Variants in TMEM266 observed in about 807,000 individuals in gnomAD.
TMEM266 encodes transmembrane protein 266.
In TMEM266, 33 loss-of-function variants were observed where a neutral mutation model predicts 50.5. The observed-to-expected ratio is 0.65, with a 90% CI of 0.50 to 0.87. TMEM266 has a LOEUF of 0.87. Ranked by LOEUF, TMEM266 falls within the 40% of genes least tolerant of loss-of-function variation. TMEM266 has a pLI of 0.00. For synonymous variants in TMEM266, 310 were observed against 292.3 expected (o/e 1.06, Z -0.62); for missense variants, 655 against 695.1 (o/e 0.94, Z 0.65).
chr15:76,114,494 G>T, intron 1 of TMEM266, among the ~76,000 whole-genome samples: 1 of 152,130 alleles, frequency 6.6e-6, no homozygotes, highest in Non-Finnish European at 1.5e-5. Context: ...CTTCAGCCTG[G>T]GTGATAGAGT....
chr15:76,149,779 C>G (rs113961096), intron 3 of TMEM266, among the ~76,000 whole-genome samples: 2 of 152,144 alleles, frequency 1.3e-5, no homozygotes, highest in Non-Finnish European at 2.9e-5. Flanking sequence ...AGCAACTAGA[C>G]GAGTTAACAT....
At chr15:76,069,117 T>C (rs187255398) in intron 1 of TMEM266, among the ~76,000 whole-genome samples, 3 of 152,272 alleles carry the variant, frequency 2.0e-5, no homozygotes, top group East Asian at 3.9e-4. Flanking sequence ...AGAAAAAAGA[T>C]AGTTTAAGTT....
At chr15:76,173,943 A>T (rs2038227355) in intron 7 of TMEM266, among the ~76,000 whole-genome samples, 1 of 126,850 alleles carries the variant, frequency 7.9e-6, no homozygotes. Context: ...AAAAAAAAAT[A>T]AAAAAAAAAA....
intron 9 of TMEM266, among the ~76,000 whole-genome samples, chr15:76,194,655 C>T (rs910522861): frequency 2.4e-4 from 37 of 152,200 alleles, no homozygotes; most frequent in African/African-American, 8.4e-4. Flanking sequence ...TGTCCCACGC[C>T]TCCCTCTGGC....
chr15:76,128,963 A>G (rs2037463748), intron 1 of TMEM266, among the ~76,000 whole-genome samples: 2 of 152,236 alleles, frequency 1.3e-5, no homozygotes, highest in South Asian at 4.1e-4. Flanking sequence ...ATTTTGGAAG[A>G]TACCAAGATG....
chr15:76,132,331 G>C (rs1244554937), intron 1 of TMEM266, among the ~76,000 whole-genome samples: 1 of 151,532 alleles, frequency 6.6e-6, no homozygotes, highest in East Asian at 2.0e-4. Flanking sequence ...GGATGGTCTT[G>C]ATCTCCTGAC....
chr15:76,082,653 A>G (rs1175411066), intron 1 of TMEM266, among the ~76,000 whole-genome samples: 1 of 152,034 alleles, frequency 6.6e-6, no homozygotes, highest in East Asian at 1.9e-4. Context: ...AAGGAGCAAG[A>G]GAGCCGCCAG....
In TMEM266 at chr15:76,191,961, T is replaced by C; in HGVS notation, c.769-7T>C. ...GCTGATTCAGCCTTGCCCGTCTCCC[T>C]CCGCAGTTTGAGATCCGGCAGCTGC... On this transcript the variant is annotated splice_region_variant and splice_polypyrimidine_tract_variant and intron_variant, in intron 8 of 10. Transcript: ENST00000388942. 6.3e-7 allele frequency: 1 copy of C among 1,579,620 alleles called. No homozygotes were observed. Among genetic ancestry groups the C allele is most frequent in the Non-Finnish European group, 8.6e-7 (1 of 1,168,268 alleles).
chr15:76,075,961 G>A (rs1366202052), intron 1 of TMEM266, among the ~76,000 whole-genome samples: 3 of 137,886 alleles, frequency 2.2e-5, no homozygotes, highest in African/African-American at 8.1e-5. Flanking sequence ...CCAGGACCAA[G>A]CAATCCTCCC....
At chr15:76,187,916 C>T (rs567476058) in intron 8 of TMEM266, among the ~76,000 whole-genome samples, 1 of 152,308 alleles carries the variant, frequency 6.6e-6, no homozygotes, top group East Asian at 1.9e-4. Flanking sequence ...TACCAGGCAA[C>T]ACAACAGATA....
intron 3 of TMEM266, among the ~76,000 whole-genome samples, chr15:76,148,984 A>G (rs1225900164): frequency 6.6e-6 from 1 of 152,042 alleles, no homozygotes; most frequent in Non-Finnish European, 1.5e-5. Flanking sequence ...TTTCACCTCC[A>G]TCCTGAGAGT....
At chr15:76,148,853 C>T (rs2037796222) in intron 3 of TMEM266, among the ~76,000 whole-genome samples, 1 of 152,120 alleles carries the variant, frequency 6.6e-6, no homozygotes. Flanking sequence ...CTGCACACAA[C>T]CCTCCTCCCT....
At chr15:76,193,958 A>G (rs1045217289) in intron 9 of TMEM266, among the ~76,000 whole-genome samples, 2 of 152,114 alleles carry the variant, frequency 1.3e-5, no homozygotes, top group Non-Finnish European at 2.9e-5. Context: ...AGTAATATCC[A>G]CAACTGAATG....
chr15:76,190,538 C>G (rs1449317530), intron 8 of TMEM266, among the ~76,000 whole-genome samples: 1 of 150,882 alleles, frequency 6.6e-6, no homozygotes, highest in Non-Finnish European at 1.5e-5. Context: ...GGGGCCAGAG[C>G]TGGCAGTGGA....
intron 8 of TMEM266, among the ~76,000 whole-genome samples, chr15:76,187,815 C>T (rs1320010763): frequency 1.3e-5 from 2 of 152,066 alleles, no homozygotes; most frequent in African/African-American, 4.8e-5. Context: ...GATTTAGGGC[C>T]CAGTCTGAAG....
chr15:76,154,114 G>A (rs934536384), intron 3 of TMEM266, among the ~76,000 whole-genome samples: 3 of 152,218 alleles, frequency 2.0e-5, no homozygotes, highest in Non-Finnish European at 4.4e-5. Context: ...CGGACCCCTT[G>A]GCTCTTGAGT....
intron 5 of TMEM266, among the ~76,000 whole-genome samples, chr15:76,164,369 C>T (rs556787025): frequency 1.3e-5 from 2 of 152,228 alleles, no homozygotes; most frequent in East Asian, 1.9e-4. Context: ...CCACACCTGG[C>T]TAATTTTTGT....
intron 8 of TMEM266, among the ~76,000 whole-genome samples, chr15:76,186,552 G>T (rs1433389816): frequency 1.3e-5 from 2 of 152,202 alleles, no homozygotes. Context: ...TAAGCAGGTT[G>T]TCCTCTCCCT....
At chr15:76,099,418 G>A (rs1027167414) in intron 1 of TMEM266, among the ~76,000 whole-genome samples, 7 of 152,218 alleles carry the variant, frequency 4.6e-5, no homozygotes, top group South Asian at 2.1e-4. Flanking sequence ...ACTGTCCAAC[G>A]AGTCCCAGTG....
Sources: allele counts gnomAD v4.1 joint callset (sites outside exome capture counted in the v4.1 genomes callset), GRCh38; gene constraint gnomAD v4.1.1; transcripts MANE v1.5; gene names NCBI Gene and HGNC (gene_info 2026-07-23, HGNC 2026-07-21).